The following PDE6B variants were observed in gnomAD, a reference collection of about 807,000 sequenced individuals.
PDE6B encodes the protein rod cGMP-specific 3',5'-cyclic phosphodiesterase subunit beta.
Under a neutral mutation model 109.0 loss-of-function variants are expected in PDE6B, and 106 were observed. The observed-to-expected ratio is 0.97, with a 90% CI of 0.83 to 1.14. The LOEUF (loss-of-function observed/expected upper bound fraction) is 1.14, where lower values mean the gene tolerates loss of function less well. Among genes scored for constraint, PDE6B ranks in the 50% most tolerant of loss-of-function variants. The pLI, the probability that PDE6B is intolerant of heterozygous loss-of-function variation, is 0.00. For synonymous variants in PDE6B, 490 were observed against 471.3 expected (o/e 1.04, Z -0.51); for missense variants, 1,193 against 1,155.6 (o/e 1.03, Z -0.47).
At chr4:637,969 C>T (rs915553108) in intron 3 of PDE6B, among the ~76,000 whole-genome samples, 2 of 152,156 alleles carry the variant, frequency 1.3e-5, no homozygotes, top group African/African-American at 4.8e-5. Context: ...ACCCACACCC[C>T]GTGGAGAACA....
At chr4:654,302 A>G (rs1735923600) in intron 5 of PDE6B, 148 bp downstream of exon 5, 5 of 742,200 alleles carry the variant, frequency 6.7e-6, no homozygotes, top group Non-Finnish European at 1.2e-5. Context: ...TGTGGTCTCC[A>G]CCAGGCTCCC....
chr4:641,638 T>G (rs1734949900), intron 3 of PDE6B, among the ~76,000 whole-genome samples: 1 of 145,062 alleles, frequency 6.9e-6, no homozygotes, highest in Non-Finnish European at 1.5e-5. Flanking sequence ...GAGACACACG[T>G]TTTTTGTTTT....
rs528706738 is a variant in PDE6B at position 665,065 on chromosome 4, C to T, written c.2193+121C>T. The T allele has an allele frequency of 2.2e-5, 20 of 896,254 alleles. No homozygotes were observed. Among genetic ancestry groups the T allele is most frequent in the East Asian group, 1.0e-4 (4 of 39,168 alleles). 55.5% of individuals were successfully genotyped at this position (896,254 alleles called of 1,614,324 possible). A position where few individuals can be genotyped will look rare whatever the true frequency, so the allele number is the denominator to read the frequency against. On this transcript the variant is annotated intron_variant, in intron 18 of 21. Transcript: ENST00000496514. The surrounding 1 kb of genome is among the most constrained non-coding windows in gnomAD (Gnocchi z 4.0). ...TTGCAAGGAGCTCTGAGGGCCACCT[C>T]GGGGCCAGGCCAGGGCGGCAAGGAT...
rs374268838 is a variant in PDE6B, at chr4:633,694, G to A, written c.469-983G>A. Among the ~76,000 whole-genome samples, 17 of 152,318 alleles carry A rather than the reference G, an allele frequency of 1.1e-4. No homozygotes were observed. The East Asian group carries it at 2.7e-3, about 24-fold the overall frequency. ...CAGAACCACCCTGTGCCCACTGCAGGTCGCACAGGTGGGAAGTCCTGACCC... is the reference window on the plus strand; with the variant it reads ...CAGAACCACCCTGTGCCCACTGCAGATCGCACAGGTGGGAAGTCCTGACCC... On this transcript the variant is annotated intron_variant, in intron 1 of 21. Transcript: ENST00000496514. This position sits in a 1 kb window ranked among gnomAD's most constrained non-coding sequence, Gnocchi z 4.5.
chr4:628,591 G>T (rs552545245), intron 1 of PDE6B, among the ~76,000 whole-genome samples: 1 of 152,232 alleles, frequency 6.6e-6, no homozygotes, highest in Non-Finnish European at 1.5e-5. Flanking sequence ...GGCAGGCCCC[G>T]GGTAACCCGC....
At chr4:660,834 G>C (rs1267246118) in intron 12 of PDE6B, among the ~76,000 whole-genome samples, 3 of 152,052 alleles carry the variant, frequency 2.0e-5, no homozygotes, top group Non-Finnish European at 2.9e-5. Flanking sequence ...CTGGGTGGAT[G>C]GCTGGATTGA....
At chr4:649,132 C>T (rs1214359783) in intron 3 of PDE6B, among the ~76,000 whole-genome samples, 6 of 152,206 alleles carry the variant, frequency 3.9e-5, no homozygotes, top group South Asian at 4.1e-4. Flanking sequence ...AGCGAAGCCC[C>T]GAGCACGGCC....
intron 3 of PDE6B, among the ~76,000 whole-genome samples, chr4:650,232 A>C (rs1313555659): frequency 6.6e-6 from 1 of 152,246 alleles, no homozygotes; most frequent in Non-Finnish European, 1.5e-5. Context: ...GGTAGGTCCC[A>C]CCCAGCACTG....
In PDE6B at chr4:658,999, C is replaced by G; in HGVS notation, c.1449C>G (p.Asp483Glu). The G allele has an allele frequency of 6.2e-7, 1 of 1,613,218 alleles. No homozygotes were observed. Among genetic ancestry groups the G allele is most frequent in the East Asian group, 2.2e-5 (1 of 44,870 alleles). ...LGKEPADCDE[D>E]ELGEILKEEL... is the part of the protein sequence containing the mutation. ...AGGAGCCTGCTGACTGCGATGAGGA[C>G]GAGCTGGGCGAAATCCTGGTAAGAA... The change falls in exon 11 of 22, where the codon GAC (aspartate) becomes GAG (glutamate). Residue 483 changes from aspartate to glutamate, a missense_variant. Transcript: ENST00000496514.
At chr4:656,804 C>T in intron 8 of PDE6B, 70 bp from the exon 9 acceptor site, 1 of 1,486,846 alleles carries the variant, frequency 6.7e-7, no homozygotes, top group Non-Finnish European at 9.4e-7. Flanking sequence ...TGAGGTCACT[C>T]TCCCCGGCCA....
At chr4:640,373 T>TA (rs954353840) in intron 3 of PDE6B, among the ~76,000 whole-genome samples, 4 of 151,634 alleles carry the variant, frequency 2.6e-5, no homozygotes, top group Non-Finnish European at 1.5e-5. Context: ...CCATCTCTAC[T>TA]AAAAAAAATA....
intron 20 of PDE6B, among the ~76,000 whole-genome samples, chr4:667,644 A>G (rs558517675): frequency 7.2e-5 from 11 of 152,216 alleles, no homozygotes; most frequent in Admixed American, 2.0e-4. Flanking sequence ...CTAAGCATGC[A>G]TACCCTAAAG....
chr4:652,020 G>GCGGCCAGGGCGGCTCCACGACGGTGACTC, intron 3 of PDE6B: 1 of 165,364 alleles, frequency 6.0e-6, no homozygotes, highest in Non-Finnish European at 1.3e-5. Context: ...GACGGTGACT[G>GCGGCCAGGGCGGCTCCACGACGGTGACTC]GGGTCAGGGC....
chr4:651,067 T>C (rs1735493394), intron 3 of PDE6B, among the ~76,000 whole-genome samples: 1 of 148,306 alleles, frequency 6.7e-6, no homozygotes, highest in Non-Finnish European at 1.5e-5. Context: ...GAGGCGGCGA[T>C]GTCAACGGCA....
chr4:659,567 A>G (rs748431442), intron 11 of PDE6B, among the ~76,000 whole-genome samples: 8 of 150,918 alleles, frequency 5.3e-5, no homozygotes, highest in Non-Finnish European at 8.9e-5. Context: ...ATGTGTGCAC[A>G]TGTGGGTGTG....
chr4:663,158 G>A lies in PDE6B; in HGVS notation c.1891G>A (p.Glu631Lys), dbSNP rs1046213247. Residue 631 changes from glutamate to lysine, a missense_variant, in exon 15 of 22, where the codon GAG (glutamate) becomes AAG (lysine). Glu to Lys is a moderately conservative substitution (Grantham distance 56, BLOSUM62 1). Transcript: ENST00000496514. The surrounding 1 kb of genome is among the most constrained non-coding windows in gnomAD (Gnocchi z 4.0). Reference sequence around the variant, plus strand: ...CTCGATTTTGGAGCGGCACCACCTGGAGTTTGGGAAGTTCCTGCTCTCGGA... The same window carrying A: ...CTCGATTTTGGAGCGGCACCACCTGAAGTTTGGGAAGTTCCTGCTCTCGGA... ...GSSILERHHLEFGKFLLSEET... is the reference protein window; with the variant it reads ...GSSILERHHLKFGKFLLSEET... 2 of 1,610,954 alleles carry A rather than the reference G, an allele frequency of 1.2e-6. No homozygotes were observed. The highest frequency in any genetic ancestry group is 1.7e-6 in the Non-Finnish European group (2 of 1,177,202).
At chr4:640,246 TAAA>T (rs1162457987) in intron 3 of PDE6B, among the ~76,000 whole-genome samples, 3 of 152,214 alleles carry the variant, frequency 2.0e-5, no homozygotes, top group South Asian at 4.1e-4. Flanking sequence ...TTTATTATAA[TAAA>T]GTCCAATTGG....
intron 3 of PDE6B, chr4:651,833 CTAACTCCAG>C (rs1735586257): frequency 6.5e-6 from 1 of 153,094 alleles, no homozygotes; most frequent in African/African-American, 2.4e-5. Flanking sequence ...TCTGGACCCA[CTAACTCCAG>C]TGACTGAGCT....
intron 9 of PDE6B, 104 bp downstream of exon 9, chr4:657,127 CTCA>C (rs1736366311): frequency 6.9e-6 from 9 of 1,298,046 alleles, no homozygotes; most frequent in Non-Finnish European, 1.0e-5. Flanking sequence ...TGTGCGTGTG[CTCA>C]TGTGTGTGCG....
Sources: gnomAD v4.1 joint callset for allele counts (sites outside exome capture counted in the v4.1 genomes callset) on GRCh38, gnomAD v4.1.1 for gene constraint, Gnocchi (gnomAD v3.1) non-coding constraint, MANE v1.5 for transcripts, NCBI Gene and HGNC (gene_info 2026-07-23, HGNC 2026-07-21) for gene names.